PLCG2: variants seen among roughly 807,000 people sequenced by gnomAD.
PLCG2 encodes the protein 1-phosphatidylinositol 4,5-bisphosphate phosphodiesterase gamma-2.
PLCG2 carries 69 observed loss-of-function variants against 175.6 expected under a neutral mutation model. That is an observed-to-expected ratio of 0.39 (90% CI 0.32 to 0.48). The LOEUF is 0.48. Among genes scored for constraint, PLCG2 ranks in the 20% least tolerant of loss-of-function variants. The probability of loss-of-function intolerance (pLI) is 0.91; values close to 1 mark genes in which losing one functional copy is unlikely to be tolerated. For synonymous variants in PLCG2, 827 were observed against 624.0 expected, an observed-to-expected ratio of 1.33 and a Z score of -4.85; for missense variants, 1,798 against 1,650.9, an observed-to-expected ratio of 1.09 and a Z score of -1.54.
At chr16:81,952,234 A>T (rs868009545) in intron 31 of PLCG2, among the ~76,000 whole-genome samples, 2 of 152,288 alleles carry the variant, frequency 1.3e-5, no homozygotes, top group Non-Finnish European at 2.9e-5. Context: ...AATTGGAGGT[A>T]TCAATATAAA....
intron 1 of PLCG2, among the ~76,000 whole-genome samples, chr16:81,755,129 C>T (rs920089503): frequency 1.8e-4 from 28 of 152,298 alleles, no homozygotes; most frequent in South Asian, 1.0e-3. Flanking sequence ...AAGAGAAGCC[C>T]AGCTGAGCTG....
Position 81,892,138 on chromosome 16 carries a change from C to G in PLCG2, c.986+548C>G, listed in dbSNP as rs79066731. The stretch of plus-strand genomic sequence containing the variant: ...GACAGAGGAGCAGCATGTGCCAAGG[C>G]CCTGGGGCAGGAACAACTGAGAGGA... On this transcript the variant is annotated intron_variant, in intron 11 of 32. Coordinates refer to ENST00000564138, the MANE Select transcript of PLCG2 (RefSeq NM_002661.5). Among the ~76,000 whole-genome samples, 344 of 152,290 alleles carry G rather than the reference C, an allele frequency of 2.3e-3. 2 individuals carry two copies. Among genetic ancestry groups the G allele is most frequent in the African/African-American group, 7.7e-3 (322 of 41,556 alleles).
intron 16 of PLCG2, among the ~76,000 whole-genome samples, 183 bp from the exon 17 acceptor site, chr16:81,908,233 G>C (rs1455556881): frequency 6.6e-6 from 1 of 152,198 alleles, no homozygotes; most frequent in African/African-American, 2.4e-5. Context: ...TCTCAGGAGT[G>C]GGAGGCAGGC....
intron 2 of PLCG2, among the ~76,000 whole-genome samples, chr16:81,771,546 T>C (rs919663170): frequency 1.3e-5 from 2 of 152,142 alleles, no homozygotes; most frequent in Admixed American, 6.5e-5. Context: ...CTTGCCTGAT[T>C]TGTCCCTCTA....
At chr16:81,804,210 CAT>C (rs1220730896) in intron 2 of PLCG2, among the ~76,000 whole-genome samples, 13 of 152,236 alleles carry the variant, frequency 8.5e-5, no homozygotes, top group Middle Eastern at 3.2e-3. Context: ...CTCGCCAACA[CAT>C]GTTAGTATCT....
intron 2 of PLCG2, among the ~76,000 whole-genome samples, chr16:81,843,560 G>A (rs74029252): frequency 0.12 from 18,838 of 152,046 alleles, 1,213 homozygotes; most frequent in South Asian, 0.18. Flanking sequence ...AATATTTTTC[G>A]CGTGAATACA....
intron 2 of PLCG2, among the ~76,000 whole-genome samples, chr16:81,823,230 C>T (rs143370371): frequency 3.9e-5 from 6 of 152,320 alleles, no homozygotes; most frequent in Non-Finnish European, 7.3e-5. Context: ...CTGGCTTCCC[C>T]GGGGCTTTAC....
In PLCG2 at chr16:81,764,835, A is replaced by C. The variant is rs139484055; in HGVS notation, c.-48+8869A>C. 7.3e-3 allele frequency among the ~76,000 whole-genome samples: 1,105 copies of C among 152,282 alleles called. 8 individuals are homozygous for C. Among genetic ancestry groups the C allele is most frequent in the Middle Eastern group, 0.034 (10 of 294 alleles). On this transcript the variant is annotated intron_variant, in intron 2 of 5. Coordinates refer to the PLCG2 transcript ENST00000565054. ...CTGGGTGTGGTGGTTCAATCCCGTA[A>C]TCCCAGTACTTTGGGAGGCCTAAGT...
intron 5 of PLCG2, among the ~76,000 whole-genome samples, chr16:81,860,160 A>T (rs1567502927): frequency 3.1e-5 from 3 of 97,442 alleles, no homozygotes; most frequent in South Asian, 3.3e-4. Context: ...TATTATTATT[A>T]TTATTATTAT....
chr16:81,754,605 G>A lies in PLCG2; in HGVS notation c.-144-1265G>A, dbSNP rs1354058960. Among the ~76,000 whole-genome samples the A allele has an allele frequency of 2.0e-5, 3 of 149,794 alleles. No individual in the cohort carries two copies. In the East Asian group the frequency reaches 6.0e-4, roughly 30 times the overall value. ...GCACTTCACAGTTTGTCAAGGACCT[G>A]GTAAGGTGTAGGTGCTCAATACTTG... is the stretch of plus-strand genomic sequence containing the variant. On this transcript the variant is annotated intron_variant, in intron 1 of 5. Coordinates refer to the PLCG2 transcript ENST00000565054.
chr16:81,772,717 C>G (rs937632209), intron 2 of PLCG2, among the ~76,000 whole-genome samples: 1 of 150,454 alleles, frequency 6.6e-6, no homozygotes, highest in South Asian at 2.1e-4. Flanking sequence ...ACTCGGGAGG[C>G]TGAGGCAGGA....
At chr16:81,786,376 G>C (rs921611196) in intron 2 of PLCG2, among the ~76,000 whole-genome samples, 194 bp downstream of exon 2, 1 of 152,188 alleles carries the variant, frequency 6.6e-6, no homozygotes, top group Non-Finnish European at 1.5e-5. Context: ...AAGTTCAGCT[G>C]GGAAAACTCT....
At chr16:81,943,973 C>T (rs886865216) in intron 30 of PLCG2, among the ~76,000 whole-genome samples, 9 of 152,078 alleles carry the variant, frequency 5.9e-5, no homozygotes, top group Admixed American at 3.9e-4. Context: ...GTCCCATGGG[C>T]TCATTTTGAA....
rs1419307151 is a variant in PLCG2, at chr16:81,869,215, A to G, written c.481A>G (p.Ile161Val). ...YSVDQTRRNS[I>V]SLRELKTILP... ...GAACTGGGTCTCCCTCTTTTGCAGC[A>G]TCAGTCTCCGAGAGTTGAAGACCAT... The change falls in exon 6 of 33, where the codon ATC becomes GTC. Residue 161 changes from isoleucine (I) to valine (V), a missense_variant and splice_region_variant. By Grantham distance (29) the Ile-to-Val change is conservative (BLOSUM62 3). Coordinates refer to ENST00000564138, the MANE Select transcript of PLCG2 (RefSeq NM_002661.5). The G allele has an allele frequency of 5.0e-6, 8 of 1,613,130 alleles. No individual in the cohort carries two copies. The highest frequency in any genetic ancestry group is 6.8e-6 in the Non-Finnish European group (8 of 1,179,044).
chr16:81,894,096 C>T (rs1026060294), intron 12 of PLCG2, among the ~76,000 whole-genome samples: 12 of 151,564 alleles, frequency 7.9e-5, no homozygotes, highest in African/African-American at 2.4e-4. Flanking sequence ...ACAGGTACCG[C>T]GTATCACCTG....
At chr16:81,866,449 G>A (rs1201334879) in intron 5 of PLCG2, among the ~76,000 whole-genome samples, 1 of 79,354 alleles carries the variant, frequency 1.3e-5, no homozygotes, top group African/African-American at 3.7e-5. Flanking sequence ...AGCATGAGAG[G>A]ACGCTAGCCT....
chr16:81,757,299 CA>C (rs1170373366), intron 2 of PLCG2, among the ~76,000 whole-genome samples: 1 of 152,062 alleles, frequency 6.6e-6, no homozygotes, highest in Non-Finnish European at 1.5e-5. Context: ...ACAAAACACA[CA>C]AAACCCCCAA....
intron 28 of PLCG2, 83 bp from the exon 29 acceptor site, chr16:81,938,718 A>C: frequency 1.3e-6 from 1 of 756,664 alleles, no homozygotes; most frequent in South Asian, 1.6e-5. Context: ...ATCCAGTGTC[A>C]CTCTAGAACC....
chr16:81,855,012 C>G (rs912513004), intron 3 of PLCG2, among the ~76,000 whole-genome samples: 2 of 152,054 alleles, frequency 1.3e-5, no homozygotes, highest in African/African-American at 2.4e-5. Context: ...GAGTTTGAGA[C>G]CAGCATGGCC....
Sources: gnomAD v4.1 joint callset for allele counts (sites outside exome capture counted in the v4.1 genomes callset) on GRCh38, gnomAD v4.1.1 for gene constraint, MANE v1.5 for transcripts, NCBI Gene and HGNC (gene_info 2026-07-23, HGNC 2026-07-21) for gene names.